The following NHSL1 variants were observed in gnomAD, a reference collection of about 807,000 sequenced individuals.
The protein encoded by NHSL1 is NHS-like protein 1.
NHSL1 carries 48 observed loss-of-function variants against 95.0 expected under a neutral mutation model. That is an observed-to-expected ratio of 0.51 (90% CI 0.40 to 0.64). The LOEUF is 0.64. Among genes scored for constraint, NHSL1 ranks in the 30% least tolerant of loss-of-function variants. The pLI is 0.00. For missense variants in NHSL1, 1,971 were observed against 2,077.7 expected, an observed-to-expected ratio of 0.95 and a Z score of 1.00; for synonymous variants, 783 against 833.9, an observed-to-expected ratio of 0.94 and a Z score of 1.05.
chr6:138,622,299 G>C (rs1784674695), intron 1 of NHSL1, among the ~76,000 whole-genome samples: 1 of 151,922 alleles, frequency 6.6e-6, no homozygotes, highest in Non-Finnish European at 1.5e-5. Context: ...TCAGGAGATC[G>C]AGACTATCCT....
chr6:138,473,524 T>G (rs1051036778), intron 2 of NHSL1, 91 bp from the exon 3 acceptor site: 18 of 1,280,028 alleles, frequency 1.4e-5, no homozygotes, highest in Non-Finnish European at 1.8e-5. Context: ...TTTTTACTTT[T>G]TAAAGTTATA....
rs541324980 is a variant in NHSL1 at position 138,450,745 on chromosome 6, T to C, written c.340-3552A>G. Among the ~76,000 whole-genome samples the C allele has an allele frequency of 2.0e-5, 3 of 152,308 alleles. No individual in the cohort carries two copies. The East Asian group carries it at 5.8e-4, about 29-fold the overall frequency. On this transcript the variant is annotated intron_variant, in intron 3 of 7. Transcript: ENST00000343505. ...CAAGCAGGGCACAGATAAAGTTATA[T>C]GCAAATGTGACTGTTAGGTCTCACA...
At chr6:138,473,753 T>C (rs561624605) in intron 2 of NHSL1, among the ~76,000 whole-genome samples, 1 of 152,260 alleles carries the variant, frequency 6.6e-6, no homozygotes, top group South Asian at 2.1e-4. Context: ...ATTATATTAT[T>C]TGCTCAATAA....
intron 1 of NHSL1, among the ~76,000 whole-genome samples, chr6:138,536,446 G>C (rs192826348): frequency 6.6e-6 from 1 of 152,218 alleles, no homozygotes; most frequent in East Asian, 1.9e-4. Context: ...ATCTCTATAG[G>C]AGCAGTCTTG....
chr6:138,671,448 T>TC (rs1389418698), intron 1 of NHSL1, among the ~76,000 whole-genome samples: 1 of 134,558 alleles, frequency 7.4e-6, no homozygotes, highest in Non-Finnish European at 1.6e-5. Flanking sequence ...AGAATCTGTC[T>TC]CCAAAAAAAA....
At chr6:138,577,456 C>T (rs540309512), upstream of NHSL1, among the ~76,000 whole-genome samples, 3 of 152,272 alleles carry the variant, frequency 2.0e-5, no homozygotes, top group Admixed American at 1.3e-4. Flanking sequence ...TGGGAAAACA[C>T]GGCTGGATTG....
chr6:138,464,247 C>T (rs2128237543), intron 3 of NHSL1: 15 of 814,978 alleles, frequency 1.8e-5, no homozygotes, highest in South Asian at 1.8e-4. Context: ...ACGGCCGGCA[C>T]CGTCCTCCTC....
intron 1 of NHSL1, among the ~76,000 whole-genome samples, chr6:138,667,102 T>G (rs1785305135): frequency 6.6e-6 from 1 of 152,240 alleles, no homozygotes; most frequent in Admixed American, 6.5e-5. Flanking sequence ...CTTGCAGCCA[T>G]TAGCGTTTCA....
At chr6:138,612,573 A>G (rs1002694249) in intron 1 of NHSL1, among the ~76,000 whole-genome samples, 3 of 152,258 alleles carry the variant, frequency 2.0e-5, no homozygotes, top group Non-Finnish European at 4.4e-5. Flanking sequence ...CTTAGAAGAT[A>G]CATGAGAGAG....
In NHSL1 at chr6:138,562,289, A is replaced by T. The variant is rs143796654; in HGVS notation, c.202+9421T>A. ...AAAAGTATAACTATACATTGGAAAA[A>T]ATCACAGATGCCGTTGCTAAGGGAA... On this transcript the variant is annotated intron_variant, in intron 1 of 6. Coordinates refer to the NHSL1 transcript ENST00000427025. 5.0e-3 allele frequency among the ~76,000 whole-genome samples: 769 copies of T among 152,352 alleles called. 9 individuals are homozygous for T. Among genetic ancestry groups the T allele is most frequent in the African/African-American group, 0.018 (730 of 41,582 alleles).
At chr6:138,598,155 A>C (rs898519693) in intron 1 of NHSL1, among the ~76,000 whole-genome samples, 2 of 152,114 alleles carry the variant, frequency 1.3e-5, no homozygotes, top group African/African-American at 4.8e-5. Context: ...ATCTCTACAA[A>C]TAATAATTTT....
intron 1 of NHSL1, among the ~76,000 whole-genome samples, chr6:138,498,366 T>C (rs1780482072): frequency 6.6e-6 from 1 of 152,176 alleles, no homozygotes; most frequent in African/African-American, 2.4e-5. Flanking sequence ...CTCGTGTTCC[T>C]CACTCTCGCC....
In NHSL1 at chr6:138,431,357, T is replaced by C. The variant is rs778530479; in HGVS notation, c.2988A>G (p.Ala996=). The stretch of plus-strand genomic sequence containing the variant: ...GTGAATCTGGAAGAATGGGGCTCAG[T>C]GCAGGGCGGGGAGGAGAAAGGCACC... ...PDWCLSPPRP[A]LSPILPDSPV... The change falls in exon 6 of 8, where the codon GCA becomes GCG. Residue 996 remains alanine, a synonymous_variant. Transcript: ENST00000343505. This position sits in a 1 kb window ranked among gnomAD's most constrained non-coding sequence, Gnocchi z 4.0. 1.3e-6 allele frequency: 2 copies of C among 1,540,386 alleles called. No homozygotes were observed. The highest frequency in any genetic ancestry group is 1.2e-5 in the South Asian group (1 of 81,400).
At chr6:138,545,997 C>G (rs1782778771), upstream of NHSL1, among the ~76,000 whole-genome samples, 1 of 152,214 alleles carries the variant, frequency 6.6e-6, no homozygotes, top group Admixed American at 6.5e-5. Context: ...GCGGATGCAG[C>G]TCTTCACGTG....
At chr6:138,579,058 T>G (rs990587890) in intron 1 of NHSL1, among the ~76,000 whole-genome samples, 3 of 152,206 alleles carry the variant, frequency 2.0e-5, no homozygotes, top group Admixed American at 2.0e-4. Flanking sequence ...GTGTGCAACC[T>G]AGATCCCTGG....
chr6:138,583,707 C>T (rs910153370), intron 1 of NHSL1, among the ~76,000 whole-genome samples: 3 of 152,218 alleles, frequency 2.0e-5, no homozygotes, highest in Non-Finnish European at 2.9e-5. Flanking sequence ...TCTCTCCTGA[C>T]AGATGAACTC....
At chr6:138,634,720 G>C (rs1784865657) in intron 1 of NHSL1, among the ~76,000 whole-genome samples, 1 of 151,832 alleles carries the variant, frequency 6.6e-6, no homozygotes, top group Non-Finnish European at 1.5e-5. Flanking sequence ...ACAGAACATT[G>C]CATCCAATGG....
chr6:138,470,367 G>A (rs1473320143), intron 3 of NHSL1, among the ~76,000 whole-genome samples: 1 of 152,184 alleles, frequency 6.6e-6, no homozygotes, highest in Non-Finnish European at 1.5e-5. Flanking sequence ...ACGTCTCACT[G>A]TAGCCTTGAC....
chr6:138,468,407 C>T (rs1778529555), intron 3 of NHSL1, among the ~76,000 whole-genome samples: 1 of 152,202 alleles, frequency 6.6e-6, no homozygotes, highest in African/African-American at 2.4e-5. Context: ...CCATCTGTGG[C>T]CTGTTAGGAA....
Sources: gnomAD v4.1 joint callset for allele counts (sites outside exome capture counted in the v4.1 genomes callset) on GRCh38, gnomAD v4.1.1 for gene constraint, Gnocchi (gnomAD v3.1) non-coding constraint, MANE v1.5 for transcripts, NCBI Gene and HGNC (gene_info 2026-07-23, HGNC 2026-07-21) for gene names.